The following UGGT2 variants were observed in gnomAD, a reference collection of about 807,000 sequenced individuals.
The protein encoded by UGGT2 is UDP-glucose glycoprotein glucosyltransferase 2.
In UGGT2, 180 loss-of-function variants were observed where a neutral mutation model predicts 192.1. The ratio of observed to expected loss-of-function variants is 0.94; its 90% confidence interval spans 0.83 to 1.06. The LOEUF is 1.06. UGGT2 is among the 50% of genes least tolerant of loss of function. The pLI is 0.00. For synonymous variants in UGGT2, 580 were observed against 591.0 expected, an observed-to-expected ratio of 0.98 and a Z score of 0.27; for missense variants, 1,849 against 1,795.7, an observed-to-expected ratio of 1.03 and a Z score of -0.54.
chr13:96,050,493 A>G (rs997566062), intron 1 of UGGT2, among the ~76,000 whole-genome samples: 1 of 152,248 alleles, frequency 6.6e-6, no homozygotes, highest in Non-Finnish European at 1.5e-5. Context: ...ATCTAATTAA[A>G]GTAAAGAGCA....
intron 1 of UGGT2, among the ~76,000 whole-genome samples, chr13:96,032,578 AGAAATAAT>A (rs758503200): frequency 1.3e-5 from 2 of 152,244 alleles, no homozygotes; most frequent in Non-Finnish European, 2.9e-5. Context: ...AAAGCCTTTC[AGAAATAAT>A]GAAATAAATG....
At chr13:96,015,490 T>A (rs1006070002) in intron 4 of UGGT2, among the ~76,000 whole-genome samples, 8 of 152,112 alleles carry the variant, frequency 5.3e-5, no homozygotes, top group Admixed American at 1.3e-4. Context: ...TTTGCTTTTA[T>A]GATTATTTCA....
At chr13:96,048,755 G>A (rs934794144) in intron 1 of UGGT2, among the ~76,000 whole-genome samples, 4 of 152,054 alleles carry the variant, frequency 2.6e-5, no homozygotes, top group Non-Finnish European at 5.9e-5. Flanking sequence ...ATAAATTCCT[G>A]TACACATACA....
intron 38 of UGGT2, among the ~76,000 whole-genome samples, chr13:95,803,987 C>T (rs528365217): frequency 3.0e-4 from 45 of 151,786 alleles, no homozygotes; most frequent in Non-Finnish European, 5.7e-4. Context: ...AAAAAATCCA[C>T]GAAACCATAA....
intron 38 of UGGT2, among the ~76,000 whole-genome samples, chr13:95,820,169 A>AAAG: frequency 8.0e-6 from 1 of 124,338 alleles, no homozygotes; most frequent in South Asian, 2.6e-4. Flanking sequence ...AATAAATAAA[A>AAAG]TAAACAAGAA....
chr13:96,016,123 C>G (rs2052330758), intron 4 of UGGT2, among the ~76,000 whole-genome samples: 1 of 152,172 alleles, frequency 6.6e-6, no homozygotes, highest in African/African-American at 2.4e-5. Context: ...CTGCTTCTAA[C>G]AACATATGTT....
intron 36 of UGGT2, among the ~76,000 whole-genome samples, chr13:95,838,749 T>G (rs921183730): frequency 6.6e-6 from 1 of 152,130 alleles, no homozygotes; most frequent in South Asian, 2.1e-4. Flanking sequence ...ACACCCTTAG[T>G]TCCTTGGAAT....
chr13:95,873,213 T>C (rs1013137989), intron 29 of UGGT2, among the ~76,000 whole-genome samples: 7 of 152,226 alleles, frequency 4.6e-5, no homozygotes, highest in Admixed American at 3.3e-4. Flanking sequence ...TAAAATTATA[T>C]CTTGAAACCA....
intron 36 of UGGT2, among the ~76,000 whole-genome samples, chr13:95,852,579 G>A (rs1293209119): frequency 6.6e-6 from 1 of 152,146 alleles, no homozygotes; most frequent in Non-Finnish European, 1.5e-5. Context: ...TCTGATGTCT[G>A]AAGTCTTAGG....
intron 6 of UGGT2, among the ~76,000 whole-genome samples, 200 bp downstream of exon 6, chr13:95,999,010 GA>G (rs1359741201): frequency 2.0e-5 from 3 of 152,082 alleles, no homozygotes; most frequent in East Asian, 3.9e-4. Context: ...TATTTTTAAA[GA>G]AATTTTGATA....
chr13:95,904,744 C>T (rs188845714), intron 20 of UGGT2, among the ~76,000 whole-genome samples: 13 of 152,116 alleles, frequency 8.5e-5, no homozygotes, highest in East Asian at 1.9e-4. Context: ...TGAACAATGC[C>T]GCAATAAACA....
Position 95,854,351 on chromosome 13 carries a change from C to T in UGGT2, c.4133G>A (p.Trp1378Ter). ...TTTCCGTCTTAAAAGATGTGATGCC[C>T]AGTATCCTGTTTTCCAGAAACGATA... ...DGYRFWKTGY[W>*]ASHLLRRKYH... The change falls in exon 35 of 39, where the codon TGG becomes TAG. Residue 1378 changes from tryptophan to a stop codon, truncating the protein, a stop_gained. Coordinates refer to ENST00000376747, the MANE Select transcript of UGGT2 (RefSeq NM_020121.4). LOFTEE classifies it high-confidence loss of function. 6.2e-7 allele frequency: 1 copy of T among 1,613,578 alleles called. No individual in the cohort carries two copies. The highest frequency in any genetic ancestry group is 1.1e-5 in the South Asian group (1 of 91,008).
chr13:95,988,726 G>A (rs1005320879), intron 8 of UGGT2, among the ~76,000 whole-genome samples: 2 of 152,090 alleles, frequency 1.3e-5, no homozygotes, highest in African/African-American at 4.8e-5. Context: ...TTAATAGATT[G>A]TGTCTTGCAC....
At chr13:95,887,173 T>TC in intron 26 of UGGT2, 2 of 393,318 alleles carry the variant, frequency 5.1e-6, no homozygotes, top group Non-Finnish European at 1.0e-5. Flanking sequence ...GTCTTGTGTG[T>TC]GTATGCATAC....
intron 5 of UGGT2, among the ~76,000 whole-genome samples, chr13:96,004,175 GGA>G (rs954364257): frequency 6.0e-5 from 7 of 116,470 alleles, no homozygotes; most frequent in Non-Finnish European, 1.4e-4. Flanking sequence ...AGCAACTCTA[GGA>G]AAAAAAAAAA....
chr13:95,806,062 GAA>G (rs1229994708), intron 38 of UGGT2, among the ~76,000 whole-genome samples: 1 of 125,512 alleles, frequency 8.0e-6, no homozygotes, highest in African/African-American at 3.0e-5. Context: ...ACACACAGTG[GAA>G]AAAAAAAAAG....
At chr13:95,852,872 A>G (rs1462058647) in intron 36 of UGGT2, among the ~76,000 whole-genome samples, 1 of 152,172 alleles carries the variant, frequency 6.6e-6, no homozygotes, top group Non-Finnish European at 1.5e-5. Flanking sequence ...AGACTTGAGC[A>G]TGTTTACACA....
intron 36 of UGGT2, among the ~76,000 whole-genome samples, chr13:95,846,342 G>A (rs1252637541): frequency 9.9e-5 from 15 of 151,852 alleles, no homozygotes; most frequent in South Asian, 2.1e-4. Context: ...GGAGAATCAC[G>A]CAGGGAAGTT....
chr13:95,930,120 T>C (rs1162602952), intron 17 of UGGT2, among the ~76,000 whole-genome samples: 1 of 152,214 alleles, frequency 6.6e-6, no homozygotes, highest in Non-Finnish European at 1.5e-5. Context: ...GCCTACTTTT[T>C]AATGGGGTTA....
Sources: gnomAD v4.1 joint callset for allele counts (sites outside exome capture counted in the v4.1 genomes callset) on GRCh38, gnomAD v4.1.1 for gene constraint, MANE v1.5 for transcripts, NCBI Gene and HGNC (gene_info 2026-07-23, HGNC 2026-07-21) for gene names.